Variants in RPTOR observed in about 807,000 individuals in gnomAD.
RPTOR encodes regulatory-associated protein of mTOR.
A neutral mutation model predicts 169.9 loss-of-function variants in RPTOR; 21 were observed. The ratio of observed to expected loss-of-function variants is 0.12; its 90% CI spans 0.09 to 0.18. RPTOR has a LOEUF of 0.18. Among genes scored for constraint, RPTOR ranks in the 10% least tolerant of loss-of-function variants. The pLI is 1.00. For missense variants in RPTOR, 1,133 were observed against 1,855.9 expected (o/e 0.61, Z 7.16); for synonymous variants, 732 against 753.2 (o/e 0.97, Z 0.46).
At chr17:80,885,197 C>G (rs558026221) in intron 17 of RPTOR, 49 bp downstream of exon 17, 1 of 1,538,984 alleles carries the variant, frequency 6.5e-7, no homozygotes, top group African/African-American at 1.4e-5. Flanking sequence ...GGCTGGACCC[C>G]GTGACACCTG....
At chr17:80,661,760 C>G (rs2065726038) in intron 3 of RPTOR, among the ~76,000 whole-genome samples, 1 of 151,786 alleles carries the variant, frequency 6.6e-6, no homozygotes, top group Non-Finnish European at 1.5e-5. Flanking sequence ...CTCTTTATTG[C>G]CTCCTGGTTC....
intron 21 of RPTOR, among the ~76,000 whole-genome samples, chr17:80,912,493 G>A (rs1416342159): frequency 6.6e-6 from 1 of 152,098 alleles, no homozygotes; most frequent in Non-Finnish European, 1.5e-5. Context: ...ACTGTAATCC[G>A]AGTGCCTAAT....
In RPTOR at chr17:80,963,021, C is replaced by T. The variant is rs756508655; in HGVS notation, c.3903C>T (p.Val1301=). The T allele has an allele frequency of 2.6e-5, 41 of 1,591,606 alleles. No homozygotes were observed. The highest frequency in any genetic ancestry group is 2.0e-4 in the Admixed American group (12 of 58,944). The change falls in exon 33 of 34, where the codon GTC becomes GTT. Residue 1301 remains valine, a synonymous_variant. Coordinates refer to ENST00000306801, the MANE Select transcript of RPTOR (RefSeq NM_020761.3). The part of the protein sequence containing the change: ...KYYDGFMGQR[V]GAISCLAFHP... Reference sequence around the variant, plus strand: ...ACGACGGCTTCATGGGCCAGCGGGTCGGCGCCATCAGCTGCCTGGCCTTCC... The same window carrying T: ...ACGACGGCTTCATGGGCCAGCGGGTTGGCGCCATCAGCTGCCTGGCCTTCC...
At chr17:80,668,623 C>T (rs545970314) in intron 3 of RPTOR, among the ~76,000 whole-genome samples, 1 of 152,360 alleles carries the variant, frequency 6.6e-6, no homozygotes, top group African/African-American at 2.4e-5. Flanking sequence ...CAGCCGTATG[C>T]CTATGCTTTT....
intron 7 of RPTOR, among the ~76,000 whole-genome samples, chr17:80,815,433 G>A (rs956144306): frequency 4.6e-5 from 7 of 152,246 alleles, no homozygotes; most frequent in Non-Finnish European, 7.3e-5. Context: ...GTCCCTGTGC[G>A]TACCAGCTGG....
chr17:80,898,718 ACCTGCTCACCCAACC>A (rs1348239183), intron 20 of RPTOR, among the ~76,000 whole-genome samples: 1,301 of 107,624 alleles, frequency 0.012, 23 homozygotes, highest in African/African-American at 0.043. Context: ...CTCCCCCCGC[ACCTGCTCACCCAACC>A]CCTGCTCACC....
Position 80,562,094 on chromosome 17 carries a change from C to T in RPTOR, c.162+16303C>T, listed in dbSNP as rs147402682. ...GTAGGAGGAGATGAGGGTCTGGTGG[C>T]GGCTTGGGCTGGTAGTGACAGGCCC... On this transcript the variant is annotated intron_variant, in intron 1 of 33. Transcript: ENST00000306801. This position sits in a 1 kb window ranked among gnomAD's most constrained non-coding sequence, Gnocchi z 4.4. Among the ~76,000 whole-genome samples the T allele has an allele frequency of 5.3e-5, 8 of 152,106 alleles. No homozygotes were observed. In the East Asian group the frequency reaches 1.4e-3, roughly 26 times the overall value.
intron 7 of RPTOR, among the ~76,000 whole-genome samples, chr17:80,813,419 C>T (rs1227825365): frequency 3.3e-5 from 5 of 152,228 alleles, no homozygotes; most frequent in Non-Finnish European, 7.3e-5. Context: ...TGTATTTTTA[C>T]AATGACCGAC....
rs1270854023 is a variant in RPTOR at position 80,659,688 on chromosome 17, G to T, written c.348+15878G>T. 6.6e-6 allele frequency among the ~76,000 whole-genome samples: 1 copy of T among 152,026 alleles called. No homozygotes were observed. Among genetic ancestry groups the T allele is most frequent in the Non-Finnish European group, 1.5e-5 (1 of 68,004 alleles). ...CACTCGGCTAATTTCTGTATTTTTA[G>T]TAGAGATGTGGTTTCACCATGTTGG... On this transcript the variant is annotated intron_variant, in intron 3 of 33. Transcript: ENST00000306801. The surrounding 1 kb of genome is among the most constrained non-coding windows in gnomAD (Gnocchi z 4.3).
intron 2 of RPTOR, among the ~76,000 whole-genome samples, chr17:80,637,868 G>A (rs1313890313): frequency 3.9e-5 from 6 of 152,238 alleles, no homozygotes; most frequent in East Asian, 3.8e-4. Context: ...GAAAATAGTC[G>A]TGATCGCCCT....
intron 13 of RPTOR, among the ~76,000 whole-genome samples, chr17:80,867,291 T>C (rs1378018542): frequency 1.3e-5 from 2 of 151,816 alleles, no homozygotes; most frequent in Non-Finnish European, 2.9e-5. Flanking sequence ...TAAAAAAAGA[T>C]GAAAACCATA....
chr17:80,599,758 G>A lies in RPTOR; in HGVS notation c.163-25933G>A, dbSNP rs150240045. 3.6e-3 allele frequency among the ~76,000 whole-genome samples: 545 copies of A among 152,340 alleles called. 4 individuals are homozygous for A. Among genetic ancestry groups the A allele is most frequent in the African/African-American group, 0.012 (514 of 41,578 alleles). ...CCTTTTGCCTACCCCGGAAGGAAAG[G>A]AGGGAACGTGTCATTGCACGCTGGA... On this transcript the variant is annotated intron_variant, in intron 1 of 33. Transcript: ENST00000306801.
At chr17:80,806,291 G>T (rs1480283022) in intron 7 of RPTOR, among the ~76,000 whole-genome samples, 1 of 152,168 alleles carries the variant, frequency 6.6e-6, no homozygotes, top group African/African-American at 2.4e-5. Context: ...TTCAAGTCAT[G>T]GTTGATTAGT....
chr17:80,712,244 G>T (rs1395910215), intron 4 of RPTOR, among the ~76,000 whole-genome samples: 1 of 152,060 alleles, frequency 6.6e-6, no homozygotes, highest in Non-Finnish European at 1.5e-5. Context: ...ATTTACACTA[G>T]GGCTCACTCC....
chr17:80,850,280 C>G (rs551900783), intron 11 of RPTOR, among the ~76,000 whole-genome samples: 5 of 152,328 alleles, frequency 3.3e-5, no homozygotes, highest in African/African-American at 1.2e-4. Context: ...TTGTTTAGCT[C>G]CCACTCACTT....
chr17:80,669,792 T>A (rs753765974), intron 3 of RPTOR, among the ~76,000 whole-genome samples: 25 of 152,252 alleles, frequency 1.6e-4, no homozygotes, highest in Non-Finnish European at 2.5e-4. Context: ...TTCCCCTCTG[T>A]GGATCATCTC....
Position 80,960,103 on chromosome 17 carries a change from G to A in RPTOR, c.3503G>A (p.Cys1168Tyr). Residue 1168 changes from cysteine (C) to tyrosine (Y), a missense_variant, in exon 30 of 34, where the codon TGT (cysteine) becomes TAT (tyrosine). By Grantham distance (194) the Cys-to-Tyr change is radical. Coordinates refer to ENST00000306801, the MANE Select transcript of RPTOR (RefSeq NM_020761.3). The surrounding 1 kb of genome is among the most constrained non-coding windows in gnomAD (Gnocchi z 4.8). ...GACATCCCTACGGGCGCAGACAGCTGTGTGACGAGTCTGTCCTGTGATTCC... is the reference window on the plus strand; with the variant it reads ...GACATCCCTACGGGCGCAGACAGCTATGTGACGAGTCTGTCCTGTGATTCC... ...VQDIPTGADS[C>Y]VTSLSCDSHR... is the part of the protein sequence containing the mutation. The A allele has an allele frequency of 1.2e-6, 2 of 1,613,650 alleles. No homozygotes were observed. The highest frequency in any genetic ancestry group is 1.1e-5 in the South Asian group (1 of 91,086).
chr17:80,619,796 T>G (rs2065341514), intron 1 of RPTOR, among the ~76,000 whole-genome samples: 1 of 152,152 alleles, frequency 6.6e-6, no homozygotes, highest in Non-Finnish European at 1.5e-5. Flanking sequence ...AGGGATCACA[T>G]TATCCTTTCA....
chr17:80,603,309 A>G (rs910176947), intron 1 of RPTOR, among the ~76,000 whole-genome samples: 4 of 152,226 alleles, frequency 2.6e-5, no homozygotes, highest in Non-Finnish European at 5.9e-5. Flanking sequence ...GTCGTGGCAT[A>G]AAAGGTGATT....
Sources: gnomAD v4.1 joint callset for allele counts (sites outside exome capture counted in the v4.1 genomes callset) on GRCh38, gnomAD v4.1.1 for gene constraint, Gnocchi (gnomAD v3.1) non-coding constraint, MANE v1.5 for transcripts, NCBI Gene and HGNC (gene_info 2026-07-23, HGNC 2026-07-21) for gene names.